The following DMD variants were observed in gnomAD, a reference collection of about 807,000 sequenced individuals.
The protein encoded by DMD is dystrophin, also known as mutant dystrophin.
A neutral mutation model predicts 330.1 loss-of-function variants in DMD; 63 were observed. The observed-to-expected ratio is 0.19, with a 90% CI of 0.16 to 0.24. DMD has a LOEUF of 0.24. Among genes scored for constraint, DMD ranks in the 10% least tolerant of loss-of-function variants. DMD has a pLI of 1.00. For missense variants in DMD, 3,344 were observed against 2,684.1 expected (o/e 1.25, Z -5.43); for synonymous variants, 1,223 against 959.8 (o/e 1.27, Z -5.07).
intron 1 of DMD, among the ~76,000 whole-genome samples, chrX:33,194,513 CATAG>C (rs1292484188): frequency 1.8e-5 from 2 of 110,904 alleles, no homozygotes; most frequent in Non-Finnish European, 3.8e-5. Context: ...TAAAAATTGT[CATAG>C]ATAAGAACAA....
intron 47 of DMD, among the ~76,000 whole-genome samples, chrX:31,919,792 T>C (rs1441092022): frequency 8.9e-6 from 1 of 112,199 alleles, no homozygotes; most frequent in Non-Finnish European, 1.9e-5. Flanking sequence ...ATCAGCCCTT[T>C]TGTTACCCAT....
At chrX:32,623,422 C>G (rs764576743) in intron 11 of DMD, among the ~76,000 whole-genome samples, 5 of 111,437 alleles carry the variant, frequency 4.5e-5, no homozygotes, top group Non-Finnish European at 9.4e-5. Flanking sequence ...GGGAGGTTAA[C>G]CTCTGGGTTA....
chrX:32,205,023 A>T (rs1472132780), intron 44 of DMD, among the ~76,000 whole-genome samples: 28 of 81,647 alleles, frequency 3.4e-4, no homozygotes, highest in Non-Finnish European at 6.2e-4. Flanking sequence ...ACACACACAC[A>T]CACACACACA....
At chrX:33,107,309 T>TTC (rs2095297756) in intron 1 of DMD, among the ~76,000 whole-genome samples, 3 of 22,204 alleles carry the variant, frequency 1.4e-4, no homozygotes, top group Non-Finnish European at 3.3e-4. Flanking sequence ...CGAAGCTCTG[T>TTC]CCCCCCCCCC....
At chrX:32,774,787 C>T (rs1000212725) in intron 7 of DMD, among the ~76,000 whole-genome samples, 4 of 110,990 alleles carry the variant, frequency 3.6e-5, no homozygotes, top group Admixed American at 9.6e-5. Flanking sequence ...ATTCTGCTCC[C>T]GGCCCCTCCC....
At chrX:32,786,124 T>TGTGTGTGTGTG (rs2075341173) in intron 7 of DMD, among the ~76,000 whole-genome samples, 1 of 109,056 alleles carries the variant, frequency 9.2e-6, no homozygotes, top group Admixed American at 9.9e-5. Flanking sequence ...TGTGTGTGTA[T>TGTGTGTGTGTG]TCCAATTATT....
At chrX:32,464,782 G>T in intron 23 of DMD, 83 bp from the exon 24 acceptor site, 1 of 700,031 alleles carries the variant, frequency 1.4e-6, no homozygotes. Flanking sequence ...TCTAAACACA[G>T]GCCCAAAAAC....
intron 34 of DMD, among the ~76,000 whole-genome samples, chrX:32,367,287 C>A (rs966089001): frequency 6.3e-5 from 7 of 111,541 alleles, no homozygotes; most frequent in Middle Eastern, 4.6e-3. Context: ...AGAGAAGTCC[C>A]CATCCTTCAA....
At chrX:32,632,877 C>T (rs1212325482) in intron 11 of DMD, among the ~76,000 whole-genome samples, 1 of 112,500 alleles carries the variant, frequency 8.9e-6, no homozygotes, top group Non-Finnish European at 1.9e-5. Flanking sequence ...TCTGAAATGC[C>T]TTCCAGGCCT....
chrX:33,220,220 C>CA (rs2052147766), intron 1 of DMD, among the ~76,000 whole-genome samples: 1 of 110,848 alleles, frequency 9.0e-6, no homozygotes, highest in Non-Finnish European at 1.9e-5. Context: ...CTTTCCAGGG[C>CA]AAAAAACAGG....
Position 32,082,494 on chromosome X carries a change from G to C in DMD, c.6439-113980C>G, listed in dbSNP as rs970152396. Among the ~76,000 whole-genome samples, 3 of 110,899 alleles carry C rather than the reference G, an allele frequency of 2.7e-5. No homozygotes were observed. The Admixed American group carries it at 2.9e-4, about 11-fold the overall frequency. ...GCTGGTCTTGAACTGCTAGCCTCAAGCGATCCTTACACCACAGCCCCCCAG... is the reference window on the plus strand; with the variant it reads ...GCTGGTCTTGAACTGCTAGCCTCAACCGATCCTTACACCACAGCCCCCCAG... On this transcript the variant is annotated intron_variant, in intron 44 of 78. Transcript: ENST00000357033.
At chrX:32,694,256 G>A (rs1372038078) in intron 9 of DMD, among the ~76,000 whole-genome samples, 2 of 111,187 alleles carry the variant, frequency 1.8e-5, no homozygotes, top group Non-Finnish European at 3.8e-5. Context: ...TATCCTGGCC[G>A]ATGGATTTAA....
rs991652816 is a variant in DMD at position 32,623,368 on chromosome X, T to C, written c.1332-8915A>G. On this transcript the variant is annotated intron_variant, in intron 11 of 78. Transcript: ENST00000357033. ...ACAGCCTTCATGACACAAATGTCCT[T>C]TTTCCCAAAGATGGTTTAAATAAAG... 1.1e-4 allele frequency among the ~76,000 whole-genome samples: 12 copies of C among 111,249 alleles called. No homozygotes were observed. In the Admixed American group the frequency reaches 1.1e-3, roughly 11 times the overall value.
At position 32,843,233 on chromosome X, in the gene DMD, C is replaced by T. The variant is rs1052495878; in HGVS notation, c.264+1550G>A. Among the ~76,000 whole-genome samples the T allele has an allele frequency of 4.5e-5, 5 of 112,052 alleles. No homozygotes were observed. The East Asian group carries it at 8.4e-4, about 19-fold the overall frequency. ...AATTAAATCTAATAATTCTGTGTTCCGCTCTTTTCTTCACTGCTACATTTT... is the reference window on the plus strand; with the variant it reads ...AATTAAATCTAATAATTCTGTGTTCTGCTCTTTTCTTCACTGCTACATTTT... On this transcript the variant is annotated intron_variant, in intron 4 of 78. Coordinates refer to ENST00000357033, the MANE Select transcript of DMD (RefSeq NM_004006.3).
At chrX:33,104,319 A>G (rs1018054816) in intron 1 of DMD, among the ~76,000 whole-genome samples, 10 of 111,920 alleles carry the variant, frequency 8.9e-5, no homozygotes, top group African/African-American at 3.2e-4. Context: ...CAGGCCTCTG[A>G]GCCCAAGCTA....
intron 7 of DMD, among the ~76,000 whole-genome samples, chrX:32,720,814 G>A (rs753846957): frequency 8.1e-5 from 9 of 110,724 alleles, no homozygotes; most frequent in East Asian, 5.7e-4. Flanking sequence ...GCTGTATATC[G>A]AAACTCTAAA....
At chrX:31,560,785 TCTTC>T (rs774607926) in intron 55 of DMD, among the ~76,000 whole-genome samples, 1 of 112,169 alleles carries the variant, frequency 8.9e-6, no homozygotes, top group Non-Finnish European at 1.9e-5. Context: ...TATATTTTTC[TCTTC>T]CTTATGATTT....
intron 2 of DMD, among the ~76,000 whole-genome samples, chrX:33,009,630 A>G (rs1230479140): frequency 1.6e-5 from 1 of 63,009 alleles, no homozygotes; most frequent in Non-Finnish European, 3.3e-5. Context: ...GTATGTGTGT[A>G]TGTGTATATA....
intron 15 of DMD, among the ~76,000 whole-genome samples, chrX:32,569,528 A>G (rs771409367): frequency 8.9e-6 from 1 of 111,864 alleles, no homozygotes; most frequent in East Asian, 2.8e-4. Context: ...GTAGGTCTGA[A>G]GATGGCCTAA....
Sources: gnomAD v4.1 joint callset for allele counts (sites outside exome capture counted in the v4.1 genomes callset) on GRCh38, gnomAD v4.1.1 for gene constraint, MANE v1.5 for transcripts, NCBI Gene and HGNC (gene_info 2026-07-23, HGNC 2026-07-21) for gene names.